Variants in KCNK13 observed in about 807,000 individuals in gnomAD.
KCNK13 encodes the protein potassium channel subfamily K member 13.
In KCNK13, 12 loss-of-function variants were observed where a neutral mutation model predicts 23.4. The ratio of observed to expected loss-of-function variants is 0.51; its 90% CI spans 0.33 to 0.83. KCNK13 has a LOEUF of 0.83. Ranked by LOEUF, KCNK13 falls within the 40% of genes least tolerant of loss-of-function variation. KCNK13 has a pLI of 0.02. For missense variants in KCNK13, 463 were observed against 556.3 expected (o/e 0.83, Z 1.69); for synonymous variants, 231 against 229.5 (o/e 1.01, Z -0.06).
intron 1 of KCNK13, among the ~76,000 whole-genome samples, chr14:90,091,544 C>T (rs1889343501): frequency 6.6e-6 from 1 of 152,192 alleles, no homozygotes. Flanking sequence ...GGATACCATC[C>T]ATGTTGATTT....
intron 1 of KCNK13, among the ~76,000 whole-genome samples, chr14:90,063,630 CG>C (rs1028092259): frequency 1.3e-5 from 2 of 152,136 alleles, no homozygotes; most frequent in African/African-American, 2.4e-5. Context: ...ATGTGCTGAG[CG>C]CTCTGTAGCT....
chr14:90,074,501 C>G (rs946232524), intron 1 of KCNK13, among the ~76,000 whole-genome samples: 10 of 152,224 alleles, frequency 6.6e-5, no homozygotes, highest in African/African-American at 2.4e-4. Flanking sequence ...CTCTGTTAAG[C>G]TCTTTAACTC....
chr14:90,086,986 C>T (rs1160136260), intron 1 of KCNK13, among the ~76,000 whole-genome samples: 2 of 151,710 alleles, frequency 1.3e-5, no homozygotes, highest in East Asian at 3.9e-4. Context: ...AGCTTTGGCA[C>T]CAGTGAAATC....
intron 1 of KCNK13, among the ~76,000 whole-genome samples, chr14:90,108,554 G>A (rs1889574181): frequency 1.3e-5 from 2 of 152,134 alleles, no homozygotes; most frequent in Admixed American, 1.3e-4. Flanking sequence ...CTCTGAACCA[G>A]TGTTGTCCAC....
At chr14:90,114,306 T>A (rs1889649224) in intron 1 of KCNK13, among the ~76,000 whole-genome samples, 1 of 152,196 alleles carries the variant, frequency 6.6e-6, no homozygotes, top group Non-Finnish European at 1.5e-5. Flanking sequence ...CAGACCCCCT[T>A]GGACTTCTCT....
chr14:90,076,665 T>C (rs927851221), intron 1 of KCNK13, among the ~76,000 whole-genome samples: 1 of 152,174 alleles, frequency 6.6e-6, no homozygotes, highest in African/African-American at 2.4e-5. Context: ...GTCAATATTG[T>C]GTAGCAATGA....
intron 1 of KCNK13, among the ~76,000 whole-genome samples, chr14:90,103,522 AAC>A (rs1889506151): frequency 6.6e-6 from 1 of 152,162 alleles, no homozygotes; most frequent in Non-Finnish European, 1.5e-5. Flanking sequence ...TGGAGATTCA[AAC>A]ACACATAAAA....
chr14:90,182,926 T>TA (rs1596814467), intron 1 of KCNK13, among the ~76,000 whole-genome samples: 2 of 152,258 alleles, frequency 1.3e-5, no homozygotes, highest in East Asian at 3.9e-4. Flanking sequence ...ATGGTGTTTG[T>TA]AGTCAGAGTG....
chr14:90,119,120 TAACAAGCTCCA>T (rs778729021), intron 1 of KCNK13, among the ~76,000 whole-genome samples: 1 of 152,040 alleles, frequency 6.6e-6, no homozygotes, highest in Non-Finnish European at 1.5e-5. Flanking sequence ...TACAGACCAA[TAACAAGCTCCA>T]AAATTGAATC....
intron 1 of KCNK13, among the ~76,000 whole-genome samples, chr14:90,132,509 A>T (rs909852970): frequency 2.0e-5 from 3 of 150,540 alleles, no homozygotes; most frequent in African/African-American, 7.4e-5. Context: ...TTGTCACTGC[A>T]CTCCAGCCTG....
intron 1 of KCNK13, among the ~76,000 whole-genome samples, chr14:90,157,449 G>A (rs1890206321): frequency 6.6e-6 from 1 of 152,194 alleles, no homozygotes; most frequent in Non-Finnish European, 1.5e-5. Context: ...AGGCTGGAGT[G>A]CAGTGGTGCA....
chr14:90,154,205 C>T (rs1291033937), intron 1 of KCNK13, among the ~76,000 whole-genome samples: 1 of 152,136 alleles, frequency 6.6e-6, no homozygotes, highest in Admixed American at 6.6e-5. Context: ...ACAACAGCAC[C>T]ACTTCTACTA....
intron 1 of KCNK13, among the ~76,000 whole-genome samples, chr14:90,114,532 T>C (rs1017610988): frequency 6.6e-6 from 1 of 152,224 alleles, no homozygotes; most frequent in Admixed American, 6.5e-5. Context: ...CCTTCGTTCC[T>C]GGGAAAGCCC....
At chr14:90,175,253 A>G (rs1171509206) in intron 1 of KCNK13, among the ~76,000 whole-genome samples, 1 of 152,050 alleles carries the variant, frequency 6.6e-6, no homozygotes, top group Non-Finnish European at 1.5e-5. Context: ...GGAACTCAAG[A>G]TTTTCCTTTA....
intron 1 of KCNK13, among the ~76,000 whole-genome samples, chr14:90,164,511 GA>G: frequency 6.6e-6 from 1 of 152,308 alleles, no homozygotes. Context: ...ATGGAGAAGA[GA>G]GAAGAAAAAC....
intron 1 of KCNK13, among the ~76,000 whole-genome samples, chr14:90,163,587 G>A (rs10140766): frequency 0.017 from 2,590 of 152,310 alleles, 74 homozygotes; most frequent in African/African-American, 0.059. Flanking sequence ...CTGACACAAA[G>A]CACATCAGGT....
chr14:90,064,799 T>C (rs1198805430), intron 1 of KCNK13, among the ~76,000 whole-genome samples: 1 of 152,240 alleles, frequency 6.6e-6, no homozygotes, highest in Non-Finnish European at 1.5e-5. Flanking sequence ...TAACATTTCC[T>C]TTTAAATTGT....
chr14:90,137,407 G>A (rs1889950464), intron 1 of KCNK13, among the ~76,000 whole-genome samples: 2 of 151,770 alleles, frequency 1.3e-5, no homozygotes, highest in Non-Finnish European at 2.9e-5. Context: ...TTCAACTTCT[G>A]CCTCCCAGGT....
intron 1 of KCNK13, among the ~76,000 whole-genome samples, chr14:90,118,947 T>C (rs1265641290): frequency 6.6e-6 from 1 of 151,928 alleles, no homozygotes; most frequent in Non-Finnish European, 1.5e-5. Context: ...CAACTAGAAA[T>C]GGCAAAGAGG....
Sources: gnomAD v4.1 joint callset for allele counts (sites outside exome capture counted in the v4.1 genomes callset) on GRCh38, gnomAD v4.1.1 for gene constraint, MANE v1.5 for transcripts, NCBI Gene and HGNC (gene_info 2026-07-23, HGNC 2026-07-21) for gene names.